TRDN: variants seen among roughly 807,000 people sequenced by gnomAD.
The protein encoded by TRDN is triadin, also known as triadin in skeletal muscle.
A neutral mutation model predicts 149.7 loss-of-function variants in TRDN; 161 were observed. The observed-to-expected ratio is 1.08, with a 90% confidence interval of 0.95 to 1.23. The LOEUF is 1.23. Ranked by LOEUF, TRDN falls within the 50% of genes most tolerant of loss-of-function variation. The pLI is 0.00. For synonymous variants in TRDN, 294 were observed against 250.5 expected (o/e 1.17, Z -1.64); for missense variants, 896 against 823.5 (o/e 1.09, Z -1.08).
intron 2 of TRDN, among the ~76,000 whole-genome samples, chr6:123,561,520 A>G (rs1274899470): frequency 6.6e-6 from 1 of 152,182 alleles, no homozygotes; most frequent in East Asian, 1.9e-4. Context: ...ACTGCACCCC[A>G]AAAACTTGGA....
chr6:123,235,913 C>A (rs564287041), intron 38 of TRDN, among the ~76,000 whole-genome samples: 2 of 152,286 alleles, frequency 1.3e-5, no homozygotes, highest in Non-Finnish European at 2.9e-5. Context: ...GGATGTACTA[C>A]AGCTTCTATA....
At chr6:123,530,640 T>A in intron 4 of TRDN, 75 bp from the exon 5 acceptor site, 1 of 866,708 alleles carries the variant, frequency 1.2e-6, no homozygotes, top group Non-Finnish European at 1.6e-6. Flanking sequence ...TGACCTAAAC[T>A]TTATAAACCT....
At chr6:123,520,550 T>C (rs551238317) in intron 5 of TRDN, among the ~76,000 whole-genome samples, 6 of 152,318 alleles carry the variant, frequency 3.9e-5, no homozygotes, top group Admixed American at 3.9e-4. Flanking sequence ...ATAATGCACA[T>C]ACTTCTTTTT....
chr6:123,509,048 A>G (rs1211046520), intron 7 of TRDN, among the ~76,000 whole-genome samples: 2 of 152,148 alleles, frequency 1.3e-5, no homozygotes, highest in Non-Finnish European at 2.9e-5. Flanking sequence ...ATACACATAC[A>G]TATATATGTT....
intron 7 of TRDN, among the ~76,000 whole-genome samples, chr6:123,504,468 G>T (rs1029216317): frequency 6.6e-6 from 1 of 152,106 alleles, no homozygotes; most frequent in Non-Finnish European, 1.5e-5. Flanking sequence ...AAATCCATTA[G>T]AAGATAACTG....
intron 32 of TRDN, among the ~76,000 whole-genome samples, chr6:123,266,891 G>T (rs576867925): frequency 1.4e-5 from 2 of 143,288 alleles, no homozygotes; most frequent in Non-Finnish European, 3.0e-5. Flanking sequence ...GGTGGATCAC[G>T]AGGTCAGGAG....
intron 2 of TRDN, among the ~76,000 whole-genome samples, chr6:123,561,178 C>A (rs1192113080): frequency 6.6e-6 from 1 of 152,090 alleles, no homozygotes; most frequent in African/African-American, 2.4e-5. Context: ...TTGGCCTTCC[C>A]ATATCTATAC....
At chr6:123,339,563 A>G (rs1779994492) in intron 21 of TRDN, among the ~76,000 whole-genome samples, 1 of 152,222 alleles carries the variant, frequency 6.6e-6, no homozygotes. Context: ...GCTGCAAAGC[A>G]ACCTACAGTA....
At chr6:123,249,534 G>A (rs994411421) in intron 38 of TRDN, among the ~76,000 whole-genome samples, 2 of 152,096 alleles carry the variant, frequency 1.3e-5, no homozygotes, top group African/African-American at 4.8e-5. Context: ...CAACCTAAGT[G>A]CCCATTAAGG....
At chr6:123,525,702 TA>T (rs969693377) in intron 5 of TRDN, among the ~76,000 whole-genome samples, 6 of 152,028 alleles carry the variant, frequency 3.9e-5, no homozygotes, top group East Asian at 1.9e-4. Context: ...AAAAGTTTTT[TA>T]AAAAAAACTT....
At chr6:123,310,469 T>A (rs562287398) in intron 24 of TRDN, among the ~76,000 whole-genome samples, 15 of 152,046 alleles carry the variant, frequency 9.9e-5, no homozygotes, top group Non-Finnish European at 1.9e-4. Context: ...AATACTTTTT[T>A]ATCTCATTTT....
chr6:123,461,200 G>A (rs552023174), intron 10 of TRDN, among the ~76,000 whole-genome samples: 1 of 152,266 alleles, frequency 6.6e-6, no homozygotes, highest in South Asian at 2.1e-4. Flanking sequence ...GAGGCCCTAA[G>A]AAGTCAATTG....
chr6:123,248,434 G>T (rs1276532024), intron 38 of TRDN, among the ~76,000 whole-genome samples: 1 of 152,080 alleles, frequency 6.6e-6, no homozygotes, highest in African/African-American at 2.4e-5. Context: ...GTGGGCACCT[G>T]TAATCCCAGC....
intron 24 of TRDN, among the ~76,000 whole-genome samples, chr6:123,285,270 A>G (rs1304142920): frequency 1.3e-5 from 2 of 152,162 alleles, no homozygotes; most frequent in African/African-American, 4.8e-5. Context: ...TGGAGGCATC[A>G]CATTACATGA....
intron 38 of TRDN, among the ~76,000 whole-genome samples, chr6:123,239,968 C>A (rs1775927677): frequency 6.6e-6 from 1 of 151,766 alleles, no homozygotes; most frequent in Admixed American, 6.6e-5. Context: ...TAAAATATAA[C>A]TACTCAAAAA....
chr6:123,316,197 G>A (rs978059530), intron 24 of TRDN, among the ~76,000 whole-genome samples: 4 of 151,868 alleles, frequency 2.6e-5, no homozygotes, highest in Non-Finnish European at 5.9e-5. Flanking sequence ...AAAGAGCAGC[G>A]TATGTGCTAA....
chr6:123,621,166 G>A (rs1006766554), intron 1 of TRDN, among the ~76,000 whole-genome samples: 1 of 152,144 alleles, frequency 6.6e-6, no homozygotes, highest in Non-Finnish European at 1.5e-5. Flanking sequence ...GTCTCAAAAA[G>A]GGGTTGCTAT....
chr6:123,342,143 T>C (rs1333911597), intron 21 of TRDN, among the ~76,000 whole-genome samples: 1 of 151,904 alleles, frequency 6.6e-6, no homozygotes, highest in East Asian at 1.9e-4. Flanking sequence ...TGACTACTAA[T>C]CAAAATTAGT....
chr6:123,587,210 C>T (rs1317965780), intron 1 of TRDN, among the ~76,000 whole-genome samples: 1 of 152,268 alleles, frequency 6.6e-6, no homozygotes, highest in East Asian at 1.9e-4. Flanking sequence ...GGTCTGACAC[C>T]TCTGAAACCT....
Sources: allele counts gnomAD v4.1 joint callset (sites outside exome capture counted in the v4.1 genomes callset), GRCh38; gene constraint gnomAD v4.1.1; transcripts MANE v1.5; gene names NCBI Gene and HGNC (gene_info 2026-07-23, HGNC 2026-07-21).